Variants in GRM3 observed in about 807,000 individuals in gnomAD.
GRM3 encodes metabotropic glutamate receptor 3.
Under a neutral mutation model 70.5 loss-of-function variants are expected in GRM3, and 26 were observed. The ratio of observed to expected loss-of-function variants is 0.37; its 90% CI spans 0.27 to 0.51. The LOEUF (loss-of-function observed/expected upper bound fraction) is 0.51. Ranked by LOEUF, GRM3 falls within the 20% of genes least tolerant of loss-of-function variation. GRM3 has a pLI of 0.93. For missense variants in GRM3, 859 were observed against 1,123.8 expected (o/e 0.76, Z 3.37); for synonymous variants, 443 against 434.9 (o/e 1.02, Z -0.23).
intron 1 of GRM3, among the ~76,000 whole-genome samples, chr7:86,720,570 C>T (rs1195587735): frequency 1.3e-5 from 2 of 152,056 alleles, no homozygotes; most frequent in Non-Finnish European, 2.9e-5. Flanking sequence ...GATATCTTGG[C>T]CGTGCCATGA....
intron 5 of GRM3, among the ~76,000 whole-genome samples, chr7:86,856,094 T>C (rs1476109943): frequency 6.6e-6 from 1 of 152,154 alleles, no homozygotes; most frequent in Non-Finnish European, 1.5e-5. Flanking sequence ...TCATGGAGAA[T>C]ATACCCAAAG....
chr7:86,743,418 G>T (rs1796032131), intron 1 of GRM3, among the ~76,000 whole-genome samples: 1 of 151,936 alleles, frequency 6.6e-6, no homozygotes, highest in South Asian at 2.1e-4. Flanking sequence ...TCAATAAAGT[G>T]GGAAAAATTT....
chr7:86,839,913 TTTGA>T lies in GRM3; in HGVS notation c.2391+12_2391+15del, dbSNP rs764208616. On this transcript the variant is annotated intron_variant, in intron 4 of 5. Coordinates refer to ENST00000361669, the MANE Select transcript of GRM3 (RefSeq NM_000840.3). This position sits in a 1 kb window ranked among gnomAD's most constrained non-coding sequence, Gnocchi z 4.5. ...ACATCAAGTGACTACAGAGTAAGTC[TTTGA>T]TTGTTTCTTATTTTTCTTGTTCTTT... The T allele has an allele frequency of 9.7e-6, 14 of 1,440,098 alleles. No individual in the cohort carries two copies. Among genetic ancestry groups the T allele is most frequent in the South Asian group, 2.3e-5 (2 of 87,006 alleles). 89.2% of individuals were successfully genotyped at this position (1,440,098 alleles called of 1,614,324 possible).
chr7:86,673,463 T>G (rs1794224568), intron 1 of GRM3, among the ~76,000 whole-genome samples: 1 of 152,106 alleles, frequency 6.6e-6, no homozygotes, highest in South Asian at 2.1e-4. Context: ...AAACCAAGCC[T>G]TCTGTCTACA....
intron 3 of GRM3, among the ~76,000 whole-genome samples, chr7:86,834,534 A>ACT (rs1226724952): frequency 6.6e-6 from 1 of 150,514 alleles, no homozygotes; most frequent in Non-Finnish European, 1.5e-5. Context: ...TCTCTTGAGC[A>ACT]TATTGTTTTG....
chr7:86,730,693 T>C (rs1460978636), intron 1 of GRM3, among the ~76,000 whole-genome samples: 2 of 152,216 alleles, frequency 1.3e-5, no homozygotes, highest in African/African-American at 2.4e-5. Context: ...ATCTTAAAAA[T>C]AGGCCGTTTT....
chr7:86,676,223 G>T (rs915509542), intron 1 of GRM3, among the ~76,000 whole-genome samples: 1 of 151,760 alleles, frequency 6.6e-6, no homozygotes, highest in African/African-American at 2.4e-5. Flanking sequence ...GTAGCTTCTG[G>T]CAAGAGATGA....
chr7:86,822,098 A>C (rs1562874690), intron 3 of GRM3, among the ~76,000 whole-genome samples: 1 of 152,104 alleles, frequency 6.6e-6, no homozygotes. Context: ...GTGGCACCAG[A>C]TCTTTCTCTC....
chr7:86,648,085 C>T (rs773217118), intron 1 of GRM3, among the ~76,000 whole-genome samples: 1 of 152,160 alleles, frequency 6.6e-6, no homozygotes, highest in South Asian at 2.1e-4. Flanking sequence ...TTATAAAATA[C>T]AAAAGCTTCA....
At chr7:86,700,798 G>T (rs980253530) in intron 1 of GRM3, among the ~76,000 whole-genome samples, 1 of 151,990 alleles carries the variant, frequency 6.6e-6, no homozygotes, top group Non-Finnish European at 1.5e-5. Flanking sequence ...TGTTTCTGCT[G>T]TCATGTGTTC....
chr7:86,814,078 G>C (rs1022311918), intron 3 of GRM3, among the ~76,000 whole-genome samples: 1 of 151,754 alleles, frequency 6.6e-6, no homozygotes, highest in African/African-American at 2.4e-5. Context: ...ACGATCAGAA[G>C]ATGTACAGAG....
chr7:86,665,571 T>C (rs948721625), intron 1 of GRM3, among the ~76,000 whole-genome samples: 5 of 152,032 alleles, frequency 3.3e-5, no homozygotes, highest in Admixed American at 6.6e-5. Flanking sequence ...GCATGTTAAT[T>C]AAAATACATC....
chr7:86,849,672 T>C (rs187795812), intron 4 of GRM3, among the ~76,000 whole-genome samples: 12 of 152,284 alleles, frequency 7.9e-5, no homozygotes, highest in African/African-American at 2.9e-4. Flanking sequence ...TGATAAACCC[T>C]GGTTCTGAGG....
chr7:86,845,567 G>C (rs1002715678), intron 4 of GRM3, among the ~76,000 whole-genome samples: 3 of 152,068 alleles, frequency 2.0e-5, no homozygotes, highest in Non-Finnish European at 4.4e-5. Context: ...CCTCTCTGAA[G>C]TTCCTCAGCA....
intron 1 of GRM3, among the ~76,000 whole-genome samples, chr7:86,703,602 A>G (rs1794993339): frequency 6.6e-6 from 1 of 152,000 alleles, no homozygotes; most frequent in African/African-American, 2.4e-5. Context: ...ACAATTGCCA[A>G]AAGTATATGA....
At chr7:86,778,577 T>C (rs1443464137) in intron 2 of GRM3, among the ~76,000 whole-genome samples, 2 of 152,152 alleles carry the variant, frequency 1.3e-5, no homozygotes, top group Admixed American at 1.3e-4. Context: ...GTGACTGATA[T>C]TTTCCAGTTC....
At chr7:86,676,367 C>G (rs1204069879) in intron 1 of GRM3, among the ~76,000 whole-genome samples, 1 of 151,812 alleles carries the variant, frequency 6.6e-6, no homozygotes, top group African/African-American at 2.4e-5. Flanking sequence ...CCATGAAAAA[C>G]AATTCCTATA....
intron 3 of GRM3, among the ~76,000 whole-genome samples, chr7:86,800,165 A>T (rs1054448305): frequency 5.3e-5 from 8 of 152,202 alleles, no homozygotes; most frequent in African/African-American, 1.9e-4. Context: ...AATTTATAGC[A>T]CTAAATTCCC....
chr7:86,740,446 AAAC>A (rs1206181162), intron 1 of GRM3, among the ~76,000 whole-genome samples: 2 of 152,176 alleles, frequency 1.3e-5, no homozygotes, highest in Non-Finnish European at 2.9e-5. Context: ...TCAATTTAAA[AAAC>A]AACTGTTTGA....
Sources: allele counts gnomAD v4.1 joint callset (sites outside exome capture counted in the v4.1 genomes callset), GRCh38; gene constraint gnomAD v4.1.1; non-coding constraint Gnocchi (gnomAD v3.1); transcripts MANE v1.5; gene names NCBI Gene and HGNC (gene_info 2026-07-23, HGNC 2026-07-21).